CUL9: variants seen among roughly 807,000 people sequenced by gnomAD.
The protein encoded by CUL9 is cullin-9.
CUL9 carries 79 observed loss-of-function variants against 272.6 expected under a neutral mutation model. The ratio of observed to expected loss-of-function variants is 0.29; its 90% CI spans 0.24 to 0.35. The LOEUF is 0.35. Among genes scored for constraint, CUL9 ranks in the 10% least tolerant of loss-of-function variants. The pLI is 1.00. For synonymous variants in CUL9, 1,186 were observed against 1,286.5 expected (o/e 0.92, Z 1.67); for missense variants, 2,532 against 3,255.6 (o/e 0.78, Z 5.41).
Position 43,223,004 on chromosome 6 carries a change from C to G in CUL9, c.7150+108C>G, listed in dbSNP as rs1482241033. The G allele has an allele frequency of 3.1e-6, 3 of 983,378 alleles. No homozygotes were observed. Among genetic ancestry groups the G allele is most frequent in the Non-Finnish European group, 4.7e-6 (3 of 642,452 alleles). 60.9% of individuals were successfully genotyped at this position (983,378 alleles called of 1,614,324 possible). On this transcript the variant is annotated intron_variant, in intron 38 of 40. Coordinates refer to ENST00000252050, the MANE Select transcript of CUL9 (RefSeq NM_015089.4). This position sits in a 1 kb window ranked among gnomAD's most constrained non-coding sequence, Gnocchi z 4.1. ...GGCACCCTTACCTTCCCTCTCTCCT[C>G]TTCCTCTTCATTCTTCATGGCCTTC...
chr6:43,206,406 G>A lies in CUL9; in HGVS notation c.5108G>A (p.Arg1703His), dbSNP rs1423317853. 3.7e-6 allele frequency: 6 copies of A among 1,614,032 alleles called. No individual in the cohort carries two copies. Among genetic ancestry groups the A allele is most frequent in the Non-Finnish European group, 4.2e-6 (5 of 1,180,034 alleles). ...ATTTCTATACTGGTCCTGTCACCAC[G>A]CTGCTGGCCCGTCTCCCCACTCTGC... ...PAISILVLSP[R>H]CWPVSPLCYL... The change falls in exon 26 of 41, where the codon CGC (arginine) becomes CAC (histidine). Residue 1703 changes from arginine to histidine, a missense_variant. Physicochemically the swap from Arg to His is conservative, Grantham distance 29. This residue lies in a region of CUL9 where 2,218 missense variants were observed against 2,788.6 expected (regional missense o/e 0.80). Coordinates refer to ENST00000252050, the MANE Select transcript of CUL9 (RefSeq NM_015089.4). This position sits in a 1 kb window ranked among gnomAD's most constrained non-coding sequence, Gnocchi z 4.8.
rs375378784 is a variant in CUL9, at chr6:43,196,176, C to T, written c.2496C>T (p.Phe832=). The change falls in exon 10 of 41, where the codon TTC becomes TTT. Residue 832 remains phenylalanine, a synonymous_variant. Transcript: ENST00000252050. ...ATGCTCAGATGACCAGAGAGATCTTCGCCAGCATCGACTCAGCCACACGCC... is the reference window on the plus strand; with the variant it reads ...ATGCTCAGATGACCAGAGAGATCTTTGCCAGCATCGACTCAGCCACACGCC... ...LFDAQMTREI[F]ASIDSATRPG... The T allele has an allele frequency of 1.8e-4, 297 of 1,614,054 alleles. No individual in the cohort carries two copies. The highest frequency in any genetic ancestry group is 2.3e-4 in the Non-Finnish European group (276 of 1,180,046).
chr6:43,224,293 G>A lies in CUL9; in HGVS notation c.7402G>A (p.Asp2468Asn). 1 of 1,614,230 alleles carries A rather than the reference G, an allele frequency of 6.2e-7. No homozygotes were observed. Among genetic ancestry groups the A allele is most frequent in the Non-Finnish European group, 8.5e-7 (1 of 1,180,036 alleles). The stretch of plus-strand genomic sequence containing the variant: ...GCCAGAGGCAGAAGAGGAGGAGGAA[G>A]ACGATGAGGATGATGTGCCCGAGTG... ...SGPEAEEEEEDDEDDVPEWQQ... is the reference protein window; with the variant it reads ...SGPEAEEEEENDEDDVPEWQQ... Residue 2468 changes from aspartate (D) to asparagine (N), a missense_variant, in exon 41 of 41, where the codon GAC (aspartate) becomes AAC (asparagine). By Grantham distance (23) the Asp-to-Asn change is conservative. This residue lies in a region of CUL9 where 237 missense variants were observed against 305.9 expected (regional missense o/e 0.77). Coordinates refer to ENST00000252050, the MANE Select transcript of CUL9 (RefSeq NM_015089.4). This position sits in a 1 kb window ranked among gnomAD's most constrained non-coding sequence, Gnocchi z 4.2.
intron 24 of CUL9, 120 bp downstream of exon 24, chr6:43,205,543 A>G: frequency 8.2e-7 from 1 of 1,221,254 alleles, no homozygotes; most frequent in Non-Finnish European, 1.2e-6. Context: ...AGATGTGGAG[A>G]TGGCTGGCCA....
At chr6:43,187,674 T>C (rs372354725) in intron 6 of CUL9, 39 bp from the exon 7 acceptor site, 5 of 1,593,798 alleles carry the variant, frequency 3.1e-6, no homozygotes, top group Non-Finnish European at 3.4e-6. Context: ...GACCTTTGTG[T>C]CTGCTTGTCT....
chr6:43,193,282 G>T lies in CUL9; in HGVS notation c.2388+74G>T, dbSNP rs1773692619. Reference sequence around the variant, plus strand: ...ACTGGGGACTACTGATCTTGAGGGGGTACTTTGGTGCTTCAGATCAGTGAG... The same window carrying T: ...ACTGGGGACTACTGATCTTGAGGGGTTACTTTGGTGCTTCAGATCAGTGAG... On this transcript the variant is annotated intron_variant, in intron 9 of 40. Coordinates refer to ENST00000252050, the MANE Select transcript of CUL9 (RefSeq NM_015089.4). The T allele has an allele frequency of 3.7e-6, 5 of 1,359,090 alleles. No homozygotes were observed. In the Admixed American group the frequency reaches 5.2e-5, roughly 14 times the overall value. 84.2% of individuals were successfully genotyped at this position (1,359,090 alleles called of 1,614,324 possible). A position where few individuals can be genotyped will look rare whatever the true frequency, so the allele number is the denominator to read the frequency against.
In CUL9 at chr6:43,185,055, A is replaced by G. The variant is rs72867558; in HGVS notation, c.595+150A>G. On this transcript the variant is annotated intron_variant, in intron 2 of 40. Coordinates refer to ENST00000252050, the MANE Select transcript of CUL9 (RefSeq NM_015089.4). The stretch of plus-strand genomic sequence containing the variant: ...AGGAAAAAATATAGATTAATAGGCT[A>G]TTTCAGGTATATAAAGAGGCTAAAA... The G allele has an allele frequency of 9.2e-3, 6,202 of 670,978 alleles. 35 individuals are homozygous for G. Among genetic ancestry groups the G allele is most frequent in the Admixed American group, 0.018 (596 of 33,858 alleles). The allele number at this position is 670,978 out of a possible 1,614,324, so 41.6% of individuals were successfully genotyped here.
rs540396288 is a variant in CUL9, at chr6:43,224,059, C to G, written c.7285-36C>G. 1.2e-6 allele frequency: 2 copies of G among 1,607,686 alleles called. No homozygotes were observed. The highest frequency in any genetic ancestry group is 2.2e-5 in the South Asian group (2 of 90,916). On this transcript the variant is annotated intron_variant, in intron 39 of 40. Transcript: ENST00000252050. The surrounding 1 kb of genome is among the most constrained non-coding windows in gnomAD (Gnocchi z 4.2). ...GCTGGGTCCAAAGGCCCCATGCCCT[C>G]TACCTCCTTCTCAAATCCTTCTGTC...
chr6:43,216,413 C>T lies in CUL9; in HGVS notation c.6192C>T (p.Pro2064=), dbSNP rs779121129. The change falls in exon 31 of 41, where the codon CCC becomes CCT. Residue 2064 remains proline, a synonymous_variant. Transcript: ENST00000252050. The stretch of plus-strand genomic sequence containing the variant: ...GCGTACACCAGGCTCAGGCTGTACC[C>T]GTACGGCCTGACCACTGCCCCGTCT... The part of the protein sequence containing the change: ...GLCVHQAQAV[P]VRPDHCPVCV... 7 of 1,613,730 alleles carry T rather than the reference C, an allele frequency of 4.3e-6. No individual in the cohort carries two copies. The highest frequency in any genetic ancestry group is 4.0e-5 in the African/African-American group (3 of 74,922).
intron 9 of CUL9, among the ~76,000 whole-genome samples, chr6:43,193,456 A>G (rs1470693867): frequency 6.6e-6 from 1 of 151,320 alleles, no homozygotes; most frequent in Admixed American, 6.6e-5. Flanking sequence ...CTGATCTTGA[A>G]CTCCTGGGCT....
chr6:43,199,809 G>T lies in CUL9; in HGVS notation c.3157-120G>T. 2.6e-6 allele frequency: 2 copies of T among 783,042 alleles called. No homozygotes were observed. Among genetic ancestry groups the T allele is most frequent in the Non-Finnish European group, 4.3e-6 (2 of 467,680 alleles). 48.5% of individuals were successfully genotyped at this position (783,042 alleles called of 1,614,324 possible). On this transcript the variant is annotated intron_variant, in intron 13 of 40. Coordinates refer to ENST00000252050, the MANE Select transcript of CUL9 (RefSeq NM_015089.4). The surrounding 1 kb of genome is among the most constrained non-coding windows in gnomAD (Gnocchi z 4.4). ...CTGAATTTGGTACTCTTGTTTCCCT[G>T]GGCGTTGGCATGTCTCCACAATCTC...
chr6:43,199,376 C>T lies in CUL9; in HGVS notation c.3156+5C>T, dbSNP rs369677268. On this transcript the variant is annotated splice_donor_5th_base_variant and intron_variant, in intron 13 of 40. Transcript: ENST00000252050. This position sits in a 1 kb window ranked among gnomAD's most constrained non-coding sequence, Gnocchi z 4.4. ...GGCCCTAGCAGTGACTCCGAGGTAC[C>T]AGAACCCTGGCAAGGAGAAGAGAGG... The T allele has an allele frequency of 1.9e-6, 3 of 1,609,224 alleles. No individual in the cohort carries two copies. Among genetic ancestry groups the T allele is most frequent in the Non-Finnish European group, 2.6e-6 (3 of 1,176,032 alleles).
intron 8 of CUL9, 185 bp downstream of exon 8, chr6:43,188,900 T>C (rs1052576327): frequency 5.4e-6 from 3 of 552,424 alleles, no homozygotes; most frequent in South Asian, 2.4e-5. Context: ...ACTTCTGTTA[T>C]GCCAGGCACT....
intron 30 of CUL9, 71 bp downstream of exon 30, chr6:43,215,397 G>C: frequency 6.6e-7 from 1 of 1,508,006 alleles, no homozygotes; most frequent in Non-Finnish European, 8.8e-7. Flanking sequence ...ATCCCTTGTG[G>C]AGAAACACTT....
chr6:43,182,583 C>T (rs190979122), intron 1 of CUL9, among the ~76,000 whole-genome samples: 1 of 152,082 alleles, frequency 6.6e-6, no homozygotes, highest in Non-Finnish European at 1.5e-5. Context: ...CCTCCTACCT[C>T]CTCCTATCCG....
intron 9 of CUL9, 86 bp downstream of exon 9, chr6:43,193,294 T>G: frequency 8.5e-7 from 1 of 1,179,514 alleles, no homozygotes; most frequent in South Asian, 1.3e-5. Context: ...ACTTTGGTGC[T>G]TCAGATCAGT....
At chr6:43,196,297 C>T in intron 10 of CUL9, 32 bp downstream of exon 10, 2 of 1,589,992 alleles carry the variant, frequency 1.3e-6, no homozygotes, top group Non-Finnish European at 1.7e-6. Context: ...CTCCAGGCTC[C>T]TGCTTAGTCC....
chr6:43,202,368 ATTTTCAG>A (rs1187894739), intron 16 of CUL9, among the ~76,000 whole-genome samples: 1 of 152,032 alleles, frequency 6.6e-6, no homozygotes, highest in Non-Finnish European at 1.5e-5. Context: ...CTGTGTATTA[ATTTTCAG>A]TTGAAACTGT....
chr6:43,213,491 G>C lies in CUL9; in HGVS notation c.5412G>C (p.Leu1804=), dbSNP rs376975487. ...LKDSDLSPEL[L]LQALVPLTSG... ...ATTCTGACCTCTCCCCAGAGCTGCT[G>C]CTCCAGGCACTCGTGCCCCTCACCT... Residue 1804 remains leucine (L), a synonymous_variant, in exon 28 of 41, where the codon CTG becomes CTC. Transcript: ENST00000252050. This position sits in a 1 kb window ranked among gnomAD's most constrained non-coding sequence, Gnocchi z 5.7. 6.2e-7 allele frequency: 1 copy of C among 1,614,072 alleles called. No individual in the cohort carries two copies. Among genetic ancestry groups the C allele is most frequent in the Non-Finnish European group, 8.5e-7 (1 of 1,180,016 alleles).
Sources: allele counts gnomAD v4.1 joint callset (sites outside exome capture counted in the v4.1 genomes callset), GRCh38; gene constraint gnomAD v4.1.1; regional missense constraint gnomAD v4.1.1; non-coding constraint Gnocchi (gnomAD v3.1); transcripts MANE v1.5; gene names NCBI Gene and HGNC (gene_info 2026-07-23, HGNC 2026-07-21).